The following SIK2 variants were observed in gnomAD, a reference collection of about 807,000 sequenced individuals.
The protein encoded by SIK2 is serine/threonine-protein kinase SIK2.
SIK2 carries 29 observed loss-of-function variants against 103.2 expected under a neutral mutation model. The observed-to-expected ratio is 0.28, with a 90% confidence interval of 0.21 to 0.38. The LOEUF is 0.38. Among genes scored for constraint, SIK2 ranks in the 10% least tolerant of loss-of-function variants. SIK2 has a pLI of 1.00. For synonymous variants in SIK2, 412 were observed against 446.1 expected, an observed-to-expected ratio of 0.92 and a Z score of 0.96; for missense variants, 879 against 1,171.0, an observed-to-expected ratio of 0.75 and a Z score of 3.64.
intron 3 of SIK2, among the ~76,000 whole-genome samples, chr11:111,640,722 A>ATTTTTTTTTTTTTT (rs58052684): frequency 1.5e-5 from 1 of 65,944 alleles, no homozygotes; most frequent in Non-Finnish European, 2.5e-5. Context: ...GAAACAGGCA[A>ATTTTTTTTTTTTTT]TTTTTTTTTT....
At chr11:111,637,285 T>A (rs1206223757) in intron 3 of SIK2, among the ~76,000 whole-genome samples, 1 of 151,990 alleles carries the variant, frequency 6.6e-6, no homozygotes, top group African/African-American at 2.4e-5. Flanking sequence ...TAACACTCTT[T>A]TTTCAACTTC....
At chr11:111,718,639 T>C (rs1007088342) in intron 9 of SIK2, 1 of 152,202 alleles carries the variant, frequency 6.6e-6, no homozygotes, top group Non-Finnish European at 1.5e-5. Flanking sequence ...CGCCTTCAGA[T>C]TGGCTGCCAT....
chr11:111,643,975 C>G (rs1261077339), intron 3 of SIK2, among the ~76,000 whole-genome samples: 1 of 150,836 alleles, frequency 6.6e-6, no homozygotes, highest in Admixed American at 6.6e-5. Flanking sequence ...AGAGTGGGAC[C>G]CTATCTCAAA....
intron 1 of SIK2, among the ~76,000 whole-genome samples, chr11:111,606,181 CTT>C (rs1349124020): frequency 6.6e-6 from 1 of 151,944 alleles, no homozygotes; most frequent in Non-Finnish European, 1.5e-5. Flanking sequence ...TTTTTTGTCT[CTT>C]AAGTAAAATT....
chr11:111,656,632 A>C (rs1331601620), intron 3 of SIK2, among the ~76,000 whole-genome samples: 2 of 152,210 alleles, frequency 1.3e-5, no homozygotes, highest in Non-Finnish European at 2.9e-5. Context: ...TTTGTTTCTG[A>C]ACTGCATTTC....
intron 3 of SIK2, chr11:111,671,706 G>T: frequency 2.5e-6 from 1 of 393,958 alleles, no homozygotes. Context: ...CCTTCATACA[G>T]CTGCTTGAGG....
chr11:111,720,680 C>T lies in SIK2; in HGVS notation c.1698C>T (p.Ser566=). ...RPTNPAMQAL[S]SQKREVHNRS... The stretch of plus-strand genomic sequence containing the variant: ...CCAACCCAGCCATGCAGGCTCTGAG[C>T]TCCCAGAAACGAGAGGTCCACAACA... The change falls in exon 11 of 15, where the codon AGC becomes AGT. Residue 566 remains serine, a synonymous_variant. Transcript: ENST00000304987. 6.2e-7 allele frequency: 1 copy of T among 1,614,026 alleles called. No individual in the cohort carries two copies. Among genetic ancestry groups the T allele is most frequent in the Non-Finnish European group, 8.5e-7 (1 of 1,179,958 alleles).
chr11:111,663,477 A>G (rs1942494657), intron 3 of SIK2, among the ~76,000 whole-genome samples: 4 of 152,070 alleles, frequency 2.6e-5, no homozygotes, highest in Admixed American at 2.6e-4. Flanking sequence ...GGGACAGGAT[A>G]TGGTTGAGAT....
intron 3 of SIK2, among the ~76,000 whole-genome samples, chr11:111,641,456 C>A (rs1942182290): frequency 6.6e-6 from 1 of 152,132 alleles, no homozygotes; most frequent in South Asian, 2.1e-4. Context: ...TGGACTCATT[C>A]TTTTTTATAT....
chr11:111,604,972 T>G (rs996427021), intron 1 of SIK2, among the ~76,000 whole-genome samples: 4 of 151,652 alleles, frequency 2.6e-5, no homozygotes, highest in African/African-American at 9.7e-5. Context: ...TTTTTTTTTT[T>G]TTTGAGACGG....
chr11:111,727,189 AG>A lies in SIK2; in HGVS notation c.*3062del, dbSNP rs1490781933. ...TGCCTTCTGTCACCGTGGGAAAAGG[AG>A]GCTGATGGTTCTCTACACCATCCAC... is the stretch of plus-strand genomic sequence containing the variant. On this transcript the variant is annotated 3_prime_UTR_variant, in exon 15 of 15. Transcript: ENST00000304987. 8.2e-6 allele frequency: 6 copies of A among 735,302 alleles called. No homozygotes were observed. The highest frequency in any genetic ancestry group is 1.4e-5 in the Non-Finnish European group (6 of 426,170). The allele number at this position is 735,302 out of a possible 1,614,324, so 45.5% of individuals were successfully genotyped here. A position where few individuals can be genotyped will look rare whatever the true frequency, so the allele number is the denominator to read the frequency against.
At position 111,724,451 on chromosome 11, in the gene SIK2, G is replaced by T; in HGVS notation, c.*322G>T. 6.1e-6 allele frequency: 2 copies of T among 329,920 alleles called. No homozygotes were observed. The highest frequency in any genetic ancestry group is 4.6e-5 in the South Asian group (1 of 21,734). The allele number at this position is 329,920 out of a possible 1,614,324, so 20.4% of individuals were successfully genotyped here. A position where few individuals can be genotyped will look rare whatever the true frequency, so the allele number is the denominator to read the frequency against. ...ACATTCAGACCCAGGTGTTATGCAG[G>T]ATTACATCCGTTTATTATCAAGGGC... On this transcript the variant is annotated 3_prime_UTR_variant, in exon 15 of 15. Coordinates refer to ENST00000304987, the MANE Select transcript of SIK2 (RefSeq NM_015191.3).
intron 3 of SIK2, among the ~76,000 whole-genome samples, chr11:111,686,341 T>TGA (rs1942846453): frequency 6.6e-6 from 1 of 152,124 alleles, no homozygotes; most frequent in Non-Finnish European, 1.5e-5. Flanking sequence ...TTCGGGAGGC[T>TGA]GAGGCATGAG....
chr11:111,656,177 G>A (rs185232601), intron 3 of SIK2, among the ~76,000 whole-genome samples: 4 of 152,160 alleles, frequency 2.6e-5, no homozygotes, highest in African/African-American at 7.2e-5. Context: ...GTGACTGAGC[G>A]ATACTGTATC....
At chr11:111,614,218 G>A (rs1264487879) in intron 1 of SIK2, among the ~76,000 whole-genome samples, 1 of 151,834 alleles carries the variant, frequency 6.6e-6, no homozygotes, top group African/African-American at 2.4e-5. Context: ...GGTCAACCTG[G>A]GATTACAGGC....
At chr11:111,628,673 T>G (rs1941998404) in intron 3 of SIK2, among the ~76,000 whole-genome samples, 1 of 152,072 alleles carries the variant, frequency 6.6e-6, no homozygotes, top group Non-Finnish European at 1.5e-5. Flanking sequence ...GTGATCCACA[T>G]GCCTCAGCCT....
chr11:111,633,937 A>G (rs752737306), intron 3 of SIK2, among the ~76,000 whole-genome samples: 3 of 152,200 alleles, frequency 2.0e-5, no homozygotes, highest in Admixed American at 1.3e-4. Flanking sequence ...GTGATTAATG[A>G]AAGTTATTCA....
intron 1 of SIK2, among the ~76,000 whole-genome samples, chr11:111,606,956 G>GAAAAAA (rs61590310): frequency 7.2e-6 from 1 of 139,326 alleles, no homozygotes; most frequent in Non-Finnish European, 1.5e-5. Context: ...TCATTAAAAA[G>GAAAAAA]AAAAAAAAAA....
chr11:111,617,650 C>A (rs1455186428), intron 2 of SIK2, among the ~76,000 whole-genome samples: 1 of 152,124 alleles, frequency 6.6e-6, no homozygotes, highest in East Asian at 1.9e-4. Context: ...CCAGTATGTG[C>A]ATTCAAATAG....
Sources: allele counts gnomAD v4.1 joint callset (sites outside exome capture counted in the v4.1 genomes callset), GRCh38; gene constraint gnomAD v4.1.1; transcripts MANE v1.5; gene names NCBI Gene and HGNC (gene_info 2026-07-23, HGNC 2026-07-21).